TRAF3IP3: variants seen among roughly 807,000 people sequenced by gnomAD.
The protein encoded by TRAF3IP3 is TRAF3 interacting protein 3.
Under a neutral mutation model 86.5 loss-of-function variants are expected in TRAF3IP3, and 64 were observed. The ratio of observed to expected loss-of-function variants is 0.74; its 90% CI spans 0.60 to 0.91. The LOEUF is 0.91. Among genes scored for constraint, TRAF3IP3 ranks in the 40% least tolerant of loss-of-function variants. TRAF3IP3 has a pLI of 0.00. For synonymous variants in TRAF3IP3, 220 were observed against 243.9 expected, an observed-to-expected ratio of 0.90 and a Z score of 0.91; for missense variants, 579 against 642.9, an observed-to-expected ratio of 0.90 and a Z score of 1.07.
intron 1 of TRAF3IP3, chr1:209,758,371 C>A (rs1204377724): frequency 6.6e-6 from 1 of 152,178 alleles, no homozygotes; most frequent in Admixed American, 6.5e-5. Flanking sequence ...GCCCCTCCAA[C>A]CCTCAAGAGT....
At chr1:209,772,586 A>T (rs2077569286) in intron 8 of TRAF3IP3, among the ~76,000 whole-genome samples, 2 of 152,150 alleles carry the variant, frequency 1.3e-5, no homozygotes, top group Admixed American at 1.3e-4. Context: ...CACGTACAAG[A>T]CTGAGAAGAG....
At chr1:209,763,464 C>T in intron 7 of TRAF3IP3, 28 bp from the exon 8 acceptor site, 1 of 1,613,400 alleles carries the variant, frequency 6.2e-7, no homozygotes, top group Non-Finnish European at 8.5e-7. Flanking sequence ...TAATCTTACC[C>T]TCTTGCACTT....
Position 209,781,547 on chromosome 1 carries a change from C to A in TRAF3IP3, c.1563+89C>A, listed in dbSNP as rs1418376691. On this transcript the variant is annotated intron_variant, in intron 16 of 16. Transcript: ENST00000367025. ...TTTGCACATAAAATATATCAGCCCA[C>A]GCCAACAACTGGCCATCCTGTCCCA... is the stretch of plus-strand genomic sequence containing the variant. The A allele has an allele frequency of 3.3e-6, 3 of 916,166 alleles. No homozygotes were observed. In the Admixed American group the frequency reaches 5.7e-5, roughly 17 times the overall value. The allele number at this position is 916,166 out of a possible 1,614,324, so 56.8% of individuals were successfully genotyped here.
intron 9 of TRAF3IP3, 62 bp from the exon 10 acceptor site, chr1:209,775,287 C>T (rs1020228876): frequency 5.3e-6 from 8 of 1,498,888 alleles, no homozygotes; most frequent in Non-Finnish European, 7.3e-6. Flanking sequence ...TTCTGTATCC[C>T]AGCTCAGGAT....
chr1:209,778,347 A>G, intron 13 of TRAF3IP3, 174 bp downstream of exon 13: 1 of 542,986 alleles, frequency 1.8e-6, no homozygotes, highest in Non-Finnish European at 3.3e-6. Flanking sequence ...TCCATAAATT[A>G]TGTGTTAGCC....
chr1:209,779,320 C>A lies in TRAF3IP3; in HGVS notation c.1258C>A (p.Leu420Ile). The A allele has an allele frequency of 3.7e-6, 6 of 1,614,002 alleles. No individual in the cohort carries two copies. Among genetic ancestry groups the A allele is most frequent in the Non-Finnish European group, 5.1e-6 (6 of 1,179,892 alleles). ...VTRVQQLQGL[L>I]QNQSLQLQEQ... Reference sequence around the variant, plus strand: ...TTCCTTGTGTTTTCCAACAGGTTTGCTTCAAAATCAATCCTTACAGCTTCA... The same window carrying A: ...TTCCTTGTGTTTTCCAACAGGTTTGATTCAAAATCAATCCTTACAGCTTCA... The change falls in exon 14 of 17, where the codon CTT (leucine) becomes ATT (isoleucine). Residue 420 changes from leucine to isoleucine, a missense_variant. Transcript: ENST00000367025.
intron 13 of TRAF3IP3, 129 bp from the exon 14 acceptor site, chr1:209,779,186 G>A (rs2077723490): frequency 1.5e-6 from 1 of 679,580 alleles, no homozygotes; most frequent in Non-Finnish European, 2.5e-6. Context: ...TATATATTCT[G>A]GGGGACAAAA....
rs1341855825 is a variant in TRAF3IP3 at position 209,779,558 on chromosome 1, T to A, written c.1312+184T>A. 2.2e-5 allele frequency: 16 copies of A among 717,340 alleles called. No homozygotes were observed. The East Asian group carries it at 4.3e-4, about 19-fold the overall frequency. 44.4% of individuals were successfully genotyped at this position (717,340 alleles called of 1,614,324 possible). A position where few individuals can be genotyped will look rare whatever the true frequency, so the allele number is the denominator to read the frequency against. On this transcript the variant is annotated intron_variant, in intron 14 of 16. Transcript: ENST00000367025. ...CTGAGGACACTTCAACTAGTTAGCC[T>A]TCTATCTTGAGGTATATAAACTGTG...
intron 8 of TRAF3IP3, among the ~76,000 whole-genome samples, chr1:209,765,663 G>A (rs929277235): frequency 2.2e-4 from 33 of 152,040 alleles, no homozygotes; most frequent in African/African-American, 7.7e-4. Flanking sequence ...GTGAAACTCT[G>A]TCTCAAAAAA....
rs1345287739 is a variant in TRAF3IP3, at chr1:209,781,510, C to A, written c.1563+52C>A. On this transcript the variant is annotated intron_variant, in intron 16 of 16. Coordinates refer to ENST00000367025, the MANE Select transcript of TRAF3IP3 (RefSeq NM_025228.4). ...GCCCTGGATGATGGGACGATTCCTT[C>A]TTTAACCAAGTTTTGCACATAAAAT... is the stretch of plus-strand genomic sequence containing the variant. 4 of 1,372,074 alleles carry A rather than the reference C, an allele frequency of 2.9e-6. No individual in the cohort carries two copies. In the South Asian group the frequency reaches 3.5e-5, roughly 12 times the overall value. The allele number at this position is 1,372,074 out of a possible 1,614,324, so 85.0% of individuals were successfully genotyped here.
intron 9 of TRAF3IP3, among the ~76,000 whole-genome samples, chr1:209,773,554 A>G (rs1476384616): frequency 6.6e-6 from 1 of 152,230 alleles, no homozygotes; most frequent in African/African-American, 2.4e-5. Context: ...TTGGTTTATA[A>G]GAGATAGAAA....
rs374407402 is a variant in TRAF3IP3, at chr1:209,782,199, G to C, written c.*51G>C. 4 of 1,450,748 alleles carry C rather than the reference G, an allele frequency of 2.8e-6. No homozygotes were observed. In the East Asian group the frequency reaches 9.1e-5, roughly 33 times the overall value. The allele number at this position is 1,450,748 out of a possible 1,614,324, so 89.9% of individuals were successfully genotyped here. A position where few individuals can be genotyped will look rare whatever the true frequency, so the allele number is the denominator to read the frequency against. On this transcript the variant is annotated 3_prime_UTR_variant, in exon 17 of 17. Coordinates refer to ENST00000367025, the MANE Select transcript of TRAF3IP3 (RefSeq NM_025228.4). ...GAAAATCAGAAGCAAGCAACTCAGC[G>C]AAAAACTCAGAAGGTTTGGGTACAT...
chr1:209,770,337 G>C (rs1206152500), intron 8 of TRAF3IP3, among the ~76,000 whole-genome samples: 1 of 152,082 alleles, frequency 6.6e-6, no homozygotes, highest in Non-Finnish European at 1.5e-5. Flanking sequence ...AGGTGTGTGT[G>C]TGGAGATGGA....
intron 8 of TRAF3IP3, among the ~76,000 whole-genome samples, chr1:209,768,897 A>G (rs1022066975): frequency 1.3e-5 from 2 of 152,250 alleles, no homozygotes; most frequent in Non-Finnish European, 2.9e-5. Flanking sequence ...GGGAGTCCAG[A>G]AAAGCAGAGC....
chr1:209,775,806 T>C, intron 11 of TRAF3IP3, 70 bp downstream of exon 11: 1 of 1,484,356 alleles, frequency 6.7e-7, no homozygotes, highest in East Asian at 2.3e-5. Context: ...AAGAAGCTGT[T>C]CTGGATTAGG....
chr1:209,763,217 A>G, intron 6 of TRAF3IP3, 125 bp downstream of exon 6: 1 of 1,378,998 alleles, frequency 7.3e-7, no homozygotes, highest in South Asian at 1.2e-5. Context: ...GGGGGTACTG[A>G]GCATAGACAT....
intron 8 of TRAF3IP3, chr1:209,768,199 T>G (rs539806098): frequency 1.0e-6 from 1 of 985,334 alleles, no homozygotes; most frequent in Non-Finnish European, 1.2e-6. Flanking sequence ...TTTTTGCCAT[T>G]TGACCTTCAT....
chr1:209,768,334 T>C, intron 8 of TRAF3IP3: 2 of 985,400 alleles, frequency 2.0e-6, no homozygotes, highest in Non-Finnish European at 2.4e-6. Flanking sequence ...TACCATAGGC[T>C]CTGGGGCACT....
chr1:209,766,591 C>T (rs951007684), intron 8 of TRAF3IP3, among the ~76,000 whole-genome samples: 2 of 152,340 alleles, frequency 1.3e-5, no homozygotes, highest in East Asian at 1.9e-4. Context: ...TGGCCAGGCA[C>T]GGCAGCTCAT....
Sources: allele counts gnomAD v4.1 joint callset (sites outside exome capture counted in the v4.1 genomes callset), GRCh38; gene constraint gnomAD v4.1.1; transcripts MANE v1.5; gene names NCBI Gene and HGNC (gene_info 2026-07-23, HGNC 2026-07-21).